PDE12: variants seen among roughly 807,000 people sequenced by gnomAD.
The protein encoded by PDE12 is 2',5'-phosphodiesterase 12.
In PDE12, 26 loss-of-function variants were observed where a neutral mutation model predicts 45.4. The observed-to-expected ratio is 0.57, with a 90% CI of 0.42 to 0.79. The LOEUF is 0.79. Among genes scored for constraint, PDE12 ranks in the 30% least tolerant of loss-of-function variants. The pLI is 0.00. For missense variants in PDE12, 668 were observed against 790.0 expected, an observed-to-expected ratio of 0.85 and a Z score of 1.85; for synonymous variants, 283 against 323.9, an observed-to-expected ratio of 0.87 and a Z score of 1.36.
the PDE12 span, among the ~76,000 whole-genome samples, chr3:57,590,241 C>G: frequency 6.6e-6 from 1 of 151,694 alleles, no homozygotes; most frequent in Admixed American, 6.6e-5. Context: ...AATCCCAGCA[C>G]TTTGGGAGGC....
At chr3:57,558,282 G>A (rs971694634) in intron 1 of PDE12, among the ~76,000 whole-genome samples, 1 of 152,120 alleles carries the variant, frequency 6.6e-6, no homozygotes, top group Non-Finnish European at 1.5e-5. Context: ...AGCCCATGAG[G>A]TGGATGGTAT....
At chr3:57,614,415 A>T in the PDE12 span, among the ~76,000 whole-genome samples, 1 of 152,028 alleles carries the variant, frequency 6.6e-6, no homozygotes, top group South Asian at 2.1e-4. Context: ...TTTGAAGGGG[A>T]TATCTCCAAG....
In PDE12 at chr3:57,561,993, T is replaced by G; in HGVS notation, c.*1989T>G. ...CTAAATAACATTTTTGAGAGCATTT[T>G]AACAGCAGTTTACAAATATGTAAAT... On this transcript the variant is annotated 3_prime_UTR_variant, in exon 3 of 3. Coordinates refer to ENST00000311180, the MANE Select transcript of PDE12 (RefSeq NM_177966.7). 1 of 983,986 alleles carries G rather than the reference T, an allele frequency of 1.0e-6. No individual in the cohort carries two copies. Among genetic ancestry groups the G allele is most frequent in the Non-Finnish European group, 1.2e-6 (1 of 828,612 alleles). The allele number at this position is 983,986 out of a possible 1,614,324, so 61.0% of individuals were successfully genotyped here.
Position 57,560,687 on chromosome 3 carries a change from T to C in PDE12, c.*683T>C. The C allele has an allele frequency of 1.0e-6, 1 of 984,484 alleles. No homozygotes were observed. Among genetic ancestry groups the C allele is most frequent in the Non-Finnish European group, 1.2e-6 (1 of 828,938 alleles). The allele number at this position is 984,484 out of a possible 1,614,324, so 61.0% of individuals were successfully genotyped here. A position where few individuals can be genotyped will look rare whatever the true frequency, so the allele number is the denominator to read the frequency against. On this transcript the variant is annotated 3_prime_UTR_variant, in exon 3 of 3. Transcript: ENST00000311180. ...GGAGTTCAGAATTTTTAAAGTACCATTTGAATGATCTTAATTTTTCTTTCA... is the reference window on the plus strand; with the variant it reads ...GGAGTTCAGAATTTTTAAAGTACCACTTGAATGATCTTAATTTTTCTTTCA...
chr3:57,645,185 G>C, the PDE12 span, among the ~76,000 whole-genome samples: 1 of 152,146 alleles, frequency 6.6e-6, no homozygotes, highest in East Asian at 1.9e-4. Context: ...CACGTGGGCC[G>C]GGTGTGGTGG....
At chr3:57,591,027 T>C in the PDE12 span, among the ~76,000 whole-genome samples, 1 of 152,218 alleles carries the variant, frequency 6.6e-6, no homozygotes, top group African/African-American at 2.4e-5. Context: ...AGACATTTAA[T>C]GTCCAGAAAT....
the PDE12 span, among the ~76,000 whole-genome samples, chr3:57,644,228 T>C: frequency 1.6e-3 from 246 of 151,014 alleles, 2 homozygotes; most frequent in East Asian, 0.044. Flanking sequence ...ATTTAAGGGA[T>C]TCGTAGAGAA....
At chr3:57,621,282 A>C in the PDE12 span, among the ~76,000 whole-genome samples, 4 of 152,250 alleles carry the variant, frequency 2.6e-5, no homozygotes, top group Non-Finnish European at 5.9e-5. Context: ...ATTCATATGC[A>C]AAAAACAAAA....
the PDE12 span, among the ~76,000 whole-genome samples, chr3:57,612,589 G>A: frequency 6.6e-6 from 1 of 152,048 alleles, no homozygotes; most frequent in East Asian, 1.9e-4. Flanking sequence ...TGACCAACAT[G>A]GTGAAACCCC....
chr3:57,612,237 G>A, the PDE12 span, among the ~76,000 whole-genome samples: 1 of 112,092 alleles, frequency 8.9e-6, no homozygotes, highest in African/African-American at 3.5e-5. Context: ...ACCAGGGCCT[G>A]TTGTGGGGTG....
At chr3:57,580,498 C>T in the PDE12 span, among the ~76,000 whole-genome samples, 1 of 152,124 alleles carries the variant, frequency 6.6e-6, no homozygotes, top group Non-Finnish European at 1.5e-5. Context: ...AACTCCTGTG[C>T]TCAGGTGATC....
In PDE12 at chr3:57,559,601, C is replaced by T; in HGVS notation, c.1427C>T (p.Ala476Val). 2 of 1,611,444 alleles carry T rather than the reference C, an allele frequency of 1.2e-6. No homozygotes were observed. Among genetic ancestry groups the T allele is most frequent in the Non-Finnish European group, 8.5e-7 (1 of 1,177,742 alleles). ...CTCATTCAAATGGCAGTAGCCTTGG[C>T]TCACATAAGACATGTTTCATGTGAT... ...IRLIQMAVAL[A>V]HIRHVSCDLY... Residue 476 changes from alanine (A) to valine (V), a missense_variant, in exon 3 of 3, where the codon GCT becomes GTT. By Grantham distance (64) the Ala-to-Val change is moderately conservative. Coordinates refer to ENST00000311180, the MANE Select transcript of PDE12 (RefSeq NM_177966.7).
chr3:57,619,144 T>A, the PDE12 span, among the ~76,000 whole-genome samples: 1 of 151,600 alleles, frequency 6.6e-6, no homozygotes, highest in Non-Finnish European at 1.5e-5. Flanking sequence ...GGTCAAGAGA[T>A]TGAGACCATC....
chr3:57,569,829 CAAAAAAAAAAA>C (rs11310053), downstream of PDE12, among the ~76,000 whole-genome samples: 8 of 67,878 alleles, frequency 1.2e-4, no homozygotes, highest in African/African-American at 3.7e-4. Context: ...AAAACCATCT[CAAAAAAAAAAA>C]AAAAAAAAAA....
chr3:57,627,589 A>C, the PDE12 span: 1 of 152,444 alleles, frequency 6.6e-6, no homozygotes, highest in East Asian at 1.9e-4. Flanking sequence ...ACTGAAAAAA[A>C]CCCATCATGT....
the PDE12 span, among the ~76,000 whole-genome samples, chr3:57,583,017 G>C: frequency 3.9e-5 from 6 of 152,212 alleles, no homozygotes; most frequent in Admixed American, 6.5e-5. Flanking sequence ...TTGCCATCTA[G>C]TGGGTAGAGG....
the PDE12 span, among the ~76,000 whole-genome samples, chr3:57,629,284 C>T: frequency 6.6e-6 from 1 of 152,114 alleles, no homozygotes. Flanking sequence ...TTCGTGTTTT[C>T]GGATATGCTC....
chr3:57,562,491 T>C lies in PDE12; in HGVS notation c.*2487T>C, dbSNP rs567600948. ...TAGCATACACATTTCTTTGTACTCA[T>C]GAGTTAGAATGCAGTGTTATTCAGA... is the stretch of plus-strand genomic sequence containing the variant. On this transcript the variant is annotated 3_prime_UTR_variant, in exon 3 of 3. Coordinates refer to ENST00000311180, the MANE Select transcript of PDE12 (RefSeq NM_177966.7). 2 of 152,300 alleles carry C rather than the reference T, an allele frequency of 1.3e-5. No homozygotes were observed. The highest frequency in any genetic ancestry group is 4.1e-4 in the South Asian group (2 of 4,832). 9.4% of individuals were successfully genotyped at this position (152,300 alleles called of 1,614,324 possible).
chr3:57,639,577 T>C, the PDE12 span, among the ~76,000 whole-genome samples: 5 of 152,198 alleles, frequency 3.3e-5, no homozygotes, highest in African/African-American at 1.2e-4. Flanking sequence ...TATCCAAGAC[T>C]CTAGCAACTG....
Sources: allele counts gnomAD v4.1 joint callset (sites outside exome capture counted in the v4.1 genomes callset), GRCh38; gene constraint gnomAD v4.1.1; transcripts MANE v1.5; gene names NCBI Gene and HGNC (gene_info 2026-07-23, HGNC 2026-07-21).